PPP1R42: variants seen among roughly 807,000 people sequenced by gnomAD.
The protein encoded by PPP1R42 is protein phosphatase 1 regulatory subunit 42.
In PPP1R42, 34 loss-of-function variants were observed where a neutral mutation model predicts 31.0. The ratio of observed to expected loss-of-function variants is 1.10; its 90% confidence interval spans 0.83 to 1.46. PPP1R42 has a LOEUF of 1.46. Ranked by LOEUF, PPP1R42 falls within the 40% of genes most tolerant of loss-of-function variation. The pLI is 0.00. For missense variants in PPP1R42, 268 were observed against 303.0 expected, an observed-to-expected ratio of 0.88 and a Z score of 0.86; for synonymous variants, 103 against 109.8, an observed-to-expected ratio of 0.94 and a Z score of 0.39.
intron 6 of PPP1R42, chr8:66,984,320 C>T: frequency 7.8e-7 from 1 of 1,279,228 alleles, no homozygotes; most frequent in Non-Finnish European, 1.1e-6. Flanking sequence ...TTCACAGCTT[C>T]CTCATCAGGT....
intron 5 of PPP1R42, among the ~76,000 whole-genome samples, chr8:67,008,146 A>G (rs1181121126): frequency 6.6e-6 from 1 of 151,918 alleles, no homozygotes; most frequent in African/African-American, 2.4e-5. Flanking sequence ...GGTGTGAGCC[A>G]CCGCGCCCAG....
At chr8:67,013,799 C>T (rs900794630) in intron 3 of PPP1R42, among the ~76,000 whole-genome samples, 1 of 152,140 alleles carries the variant, frequency 6.6e-6, no homozygotes, top group African/African-American at 2.4e-5. Context: ...TAGGTTGGAA[C>T]CCAGTGCTCT....
chr8:67,009,130 C>A (rs1037527687), intron 5 of PPP1R42, among the ~76,000 whole-genome samples: 1 of 151,904 alleles, frequency 6.6e-6, no homozygotes, highest in Admixed American at 6.6e-5. Flanking sequence ...ATAAGCCAGG[C>A]ATGGTGGTGC....
chr8:67,012,160 G>A (rs538614862), intron 4 of PPP1R42, among the ~76,000 whole-genome samples: 3 of 152,152 alleles, frequency 2.0e-5, no homozygotes, highest in South Asian at 2.1e-4. Flanking sequence ...TGCTTGAACC[G>A]GGGAGGTGGA....
At chr8:67,010,032 G>A (rs1232516555) in intron 5 of PPP1R42, among the ~76,000 whole-genome samples, 2 of 152,190 alleles carry the variant, frequency 1.3e-5, no homozygotes, top group African/African-American at 4.8e-5. Flanking sequence ...TGACTGTTTC[G>A]AGGAAGCCTT....
intron 2 of PPP1R42, 113 bp downstream of exon 2, chr8:67,017,506 A>C: frequency 1.8e-6 from 1 of 569,988 alleles, no homozygotes; most frequent in Non-Finnish European, 2.7e-6. Flanking sequence ...TCAAAAAAAA[A>C]AGTTAATAAG....
chr8:66,989,770 G>C (rs1815135278), intron 5 of PPP1R42, among the ~76,000 whole-genome samples: 1 of 152,106 alleles, frequency 6.6e-6, no homozygotes, highest in South Asian at 2.1e-4. Context: ...TTAAAAATAA[G>C]GCAATCCTAA....
intron 5 of PPP1R42, among the ~76,000 whole-genome samples, chr8:67,005,024 T>C (rs1181418625): frequency 1.6e-4 from 24 of 151,928 alleles, no homozygotes; most frequent in Admixed American, 1.5e-3. Flanking sequence ...GTTTTGAGAG[T>C]AGAGCCTACT....
chr8:66,993,663 A>G (rs1333873206), intron 5 of PPP1R42, among the ~76,000 whole-genome samples: 1 of 152,174 alleles, frequency 6.6e-6, no homozygotes, highest in Non-Finnish European at 1.5e-5. Flanking sequence ...TTTTTGTGGT[A>G]CTTGTGCAAT....
intron 5 of PPP1R42, among the ~76,000 whole-genome samples, chr8:67,004,681 T>C (rs1353366746): frequency 6.6e-6 from 1 of 152,228 alleles, no homozygotes; most frequent in Non-Finnish European, 1.5e-5. Flanking sequence ...AGTGGGATTT[T>C]AAAGGATTGT....
chr8:66,966,630 A>G (rs1814387945), intron 7 of PPP1R42, among the ~76,000 whole-genome samples: 1 of 151,986 alleles, frequency 6.6e-6, no homozygotes, highest in South Asian at 2.1e-4. Flanking sequence ...CTAAAAACAC[A>G]AAAAACTGGC....
At chr8:66,975,129 T>A (rs115671903) in intron 7 of PPP1R42, among the ~76,000 whole-genome samples, 1 of 152,372 alleles carries the variant, frequency 6.6e-6, no homozygotes, top group African/African-American at 2.4e-5. Flanking sequence ...ATGAGGTGTC[T>A]TTTCATTTGT....
At chr8:66,968,223 T>C (rs1814440693) in intron 7 of PPP1R42, among the ~76,000 whole-genome samples, 1 of 152,202 alleles carries the variant, frequency 6.6e-6, no homozygotes. Context: ...TGAGTCTGAC[T>C]TTTTCCTCCC....
At chr8:66,980,848 T>C (rs1814808677) in intron 7 of PPP1R42, among the ~76,000 whole-genome samples, 1 of 152,076 alleles carries the variant, frequency 6.6e-6, no homozygotes, top group Admixed American at 6.5e-5. Context: ...TCAGTTCTTT[T>C]TTTTTTTTCT....
chr8:66,998,119 A>C (rs563877068), intron 5 of PPP1R42, among the ~76,000 whole-genome samples: 5 of 152,322 alleles, frequency 3.3e-5, no homozygotes, highest in Admixed American at 2.0e-4. Context: ...AAAATAAAAA[A>C]ATCAAAACCA....
Position 67,013,059 on chromosome 8 carries a change from A to C in PPP1R42, c.334T>G (p.Leu112Val), listed in dbSNP as rs201328317. ...TCTCTTAGTTCTCCTAATCCTTCTA[A>C]ACCTTCTATGACAGCAATGTAATTG... Reference protein sequence around the residue: ...GGNYIAVIEGLEGLGELRELH... With the variant: ...GGNYIAVIEGVEGLGELRELH... The change falls in exon 4 of 8, where the codon TTA (leucine) becomes GTA (valine). Residue 112 changes from leucine to valine, a missense_variant. Coordinates refer to ENST00000685739, the MANE Select transcript of PPP1R42 (RefSeq NM_001364910.1). 8.7e-6 allele frequency: 14 copies of C among 1,610,664 alleles called. No homozygotes were observed. The highest frequency in any genetic ancestry group is 1.2e-5 in the Non-Finnish European group (14 of 1,178,670).
chr8:66,988,592 T>C, intron 5 of PPP1R42, 75 bp from the exon 6 acceptor site: 1 of 1,352,016 alleles, frequency 7.4e-7, no homozygotes, highest in Non-Finnish European at 1.0e-6. Flanking sequence ...AGTTATTGTT[T>C]TTAAAGGTAA....
chr8:67,027,000 A>C (rs1014283474), intron 1 of PPP1R42: 1 of 150,840 alleles, frequency 6.6e-6, no homozygotes, highest in African/African-American at 2.4e-5. Context: ...TTCTGGGTTC[A>C]AGCGATTCTT....
chr8:66,998,902 G>T (rs1039721485), intron 5 of PPP1R42, among the ~76,000 whole-genome samples: 1 of 151,716 alleles, frequency 6.6e-6, no homozygotes, highest in Non-Finnish European at 1.5e-5. Flanking sequence ...TGGTCATTGT[G>T]TGTTTTTTTT....
Sources: allele counts gnomAD v4.1 joint callset (sites outside exome capture counted in the v4.1 genomes callset), GRCh38; gene constraint gnomAD v4.1.1; transcripts MANE v1.5; gene names NCBI Gene and HGNC (gene_info 2026-07-23, HGNC 2026-07-21).